Variants in LINGO2 observed in about 807,000 individuals in gnomAD.
LINGO2 encodes leucine-rich repeat and immunoglobulin-like domain-containing nogo receptor-interacting protein 2.
In LINGO2, 14 loss-of-function variants were observed where a neutral mutation model predicts 30.6. The observed-to-expected ratio is 0.46, with a 90% CI of 0.30 to 0.72. The LOEUF (loss-of-function observed/expected upper bound fraction) is 0.72, where lower values mean the gene tolerates loss of function less well. Among genes scored for constraint, LINGO2 ranks in the 30% least tolerant of loss-of-function variants. The probability of loss-of-function intolerance (pLI) is 0.07; values close to 1 mark genes in which losing one functional copy is unlikely to be tolerated. For synonymous variants in LINGO2, 317 were observed against 288.5 expected (o/e 1.10, Z -1.00); for missense variants, 729 against 751.7 (o/e 0.97, Z 0.35).
upstream of LINGO2, among the ~76,000 whole-genome samples, chr9:28,674,600 G>T (rs1829147346): frequency 6.6e-6 from 1 of 151,982 alleles, no homozygotes; most frequent in Non-Finnish European, 1.5e-5. Flanking sequence ...TTATTTCAAG[G>T]TGGGGAAAAA....
intron 1 of LINGO2, among the ~76,000 whole-genome samples, chr9:28,555,882 A>G (rs61495432): frequency 1.3e-5 from 2 of 152,116 alleles, no homozygotes; most frequent in East Asian, 1.9e-4. Flanking sequence ...TATAAACAGA[A>G]CCAAAGACAA....
At chr9:28,980,056 C>T in the LINGO2 span, among the ~76,000 whole-genome samples, 7 of 152,108 alleles carry the variant, frequency 4.6e-5, no homozygotes, top group Non-Finnish European at 1.0e-4. Flanking sequence ...CTCCTCCCAA[C>T]CCAGTCTGCC....
At chr9:28,109,071 G>C (rs1183547935) in intron 4 of LINGO2, among the ~76,000 whole-genome samples, 1 of 152,130 alleles carries the variant, frequency 6.6e-6, no homozygotes, top group African/African-American at 2.4e-5. Flanking sequence ...TTCATCTCTG[G>C]TATACAAGGC....
chr9:28,612,941 G>A lies in LINGO2; in HGVS notation c.-365+57259C>T, dbSNP rs1825981446. Among the ~76,000 whole-genome samples the A allele has an allele frequency of 2.6e-5, 4 of 152,092 alleles. No individual in the cohort carries two copies. In the South Asian group the frequency reaches 8.3e-4, roughly 31 times the overall value. On this transcript the variant is annotated intron_variant, in intron 1 of 5. Transcript: ENST00000379992. Reference sequence around the variant, plus strand: ...CAAGTGTCAAGGGAGAGACCAGGTGGAGATAATGGAATCATGGGGTGGTTT... The same window carrying A: ...CAAGTGTCAAGGGAGAGACCAGGTGAAGATAATGGAATCATGGGGTGGTTT...
intron 4 of LINGO2, among the ~76,000 whole-genome samples, chr9:28,141,148 TTA>T (rs1311190181): frequency 1.3e-5 from 2 of 152,168 alleles, no homozygotes; most frequent in Non-Finnish European, 2.9e-5. Context: ...AAAGGTTAAC[TTA>T]TTTCTGTCAT....
At chr9:28,863,640 T>A in the LINGO2 span, 1 of 532,778 alleles carries the variant, frequency 1.9e-6, no homozygotes. Flanking sequence ...GCACTATGAA[T>A]TACTTTGTAA....
the LINGO2 span, among the ~76,000 whole-genome samples, chr9:28,747,849 A>C: frequency 6.6e-6 from 1 of 152,144 alleles, no homozygotes; most frequent in East Asian, 1.9e-4. Flanking sequence ...GAAAGTATCC[A>C]TTAGAAGAAA....
chr9:28,684,897 C>T, the LINGO2 span, among the ~76,000 whole-genome samples: 3 of 152,024 alleles, frequency 2.0e-5, no homozygotes, highest in African/African-American at 2.4e-5. Context: ...TTGCATGTTG[C>T]GTGGGTTTGA....
chr9:29,080,584 G>A, the LINGO2 span, among the ~76,000 whole-genome samples: 3 of 152,074 alleles, frequency 2.0e-5, no homozygotes, highest in Non-Finnish European at 4.4e-5. Context: ...GGCATTTAGT[G>A]CTATAAATTT....
At chr9:28,674,638 A>G (rs1458781500), upstream of LINGO2, among the ~76,000 whole-genome samples, 4 of 152,192 alleles carry the variant, frequency 2.6e-5, no homozygotes, top group Non-Finnish European at 5.9e-5. Context: ...GAGAAAACAT[A>G]TACTATATGA....
At chr9:28,765,517 CA>C in the LINGO2 span, among the ~76,000 whole-genome samples, 1 of 151,976 alleles carries the variant, frequency 6.6e-6, no homozygotes, top group African/African-American at 2.4e-5. Context: ...AATGCCCTCC[CA>C]AAGGAGTGAA....
intron 4 of LINGO2, among the ~76,000 whole-genome samples, chr9:28,265,907 C>T (rs955998146): frequency 1.3e-5 from 2 of 151,870 alleles, no homozygotes; most frequent in African/African-American, 4.8e-5. Flanking sequence ...CATAAACATG[C>T]CTGCTCCTTA....
chr9:28,122,052 A>G (rs1250912228), intron 4 of LINGO2, among the ~76,000 whole-genome samples: 1 of 152,180 alleles, frequency 6.6e-6, no homozygotes, highest in East Asian at 1.9e-4. Flanking sequence ...GAGCTGGGAG[A>G]GGACTTAATT....
At chr9:28,352,258 T>C (rs1819932099) in intron 3 of LINGO2, among the ~76,000 whole-genome samples, 1 of 151,050 alleles carries the variant, frequency 6.6e-6, no homozygotes, top group African/African-American at 2.4e-5. Context: ...AACCCCATTG[T>C]CTCAGCCCAA....
chr9:28,146,718 C>A (rs1827823605), intron 4 of LINGO2, among the ~76,000 whole-genome samples: 1 of 152,126 alleles, frequency 6.6e-6, no homozygotes, highest in African/African-American at 2.4e-5. Flanking sequence ...CATAAGAAAA[C>A]CTAGAGTTAT....
chr9:28,644,749 T>A (rs1176320775), intron 1 of LINGO2, among the ~76,000 whole-genome samples: 6 of 152,078 alleles, frequency 3.9e-5, no homozygotes, highest in African/African-American at 1.4e-4. Flanking sequence ...CCATTTTCCA[T>A]GATGTCATTA....
chr9:28,084,474 G>C (rs4355882), intron 4 of LINGO2, among the ~76,000 whole-genome samples: 82,576 of 151,800 alleles, frequency 0.54, 22,660 homozygotes, highest in East Asian at 0.69. Context: ...AAGGAAATTA[G>C]CAGTTAACAT....
At chr9:28,670,918 T>C (rs1392934545), upstream of LINGO2, among the ~76,000 whole-genome samples, 1 of 152,122 alleles carries the variant, frequency 6.6e-6, no homozygotes, top group East Asian at 1.9e-4. Context: ...ATATAGTATA[T>C]ACAGTATAAA....
At chr9:28,083,437 G>A (rs1359932136) in intron 4 of LINGO2, among the ~76,000 whole-genome samples, 5 of 152,278 alleles carry the variant, frequency 3.3e-5, no homozygotes, top group Middle Eastern at 3.4e-3. Flanking sequence ...TATAAGAACA[G>A]GGGTGCTACT....
Sources: gnomAD v4.1 joint callset for allele counts (sites outside exome capture counted in the v4.1 genomes callset) on GRCh38, gnomAD v4.1.1 for gene constraint, MANE v1.5 for transcripts, NCBI Gene and HGNC (gene_info 2026-07-23, HGNC 2026-07-21) for gene names.